The following UNC5D variants were observed in gnomAD, a reference collection of about 807,000 sequenced individuals.
The protein encoded by UNC5D is netrin receptor UNC5D.
A neutral mutation model predicts 105.4 loss-of-function variants in UNC5D; 39 were observed. The observed-to-expected ratio is 0.37, with a 90% CI of 0.29 to 0.48. The LOEUF is 0.48. Among genes scored for constraint, UNC5D ranks in the 20% least tolerant of loss-of-function variants. The probability of loss-of-function intolerance (pLI) is 0.98; values close to 1 mark genes in which losing one functional copy is unlikely to be tolerated. For synonymous variants in UNC5D, 452 were observed against 450.4 expected (o/e 1.00, Z -0.04); for missense variants, 991 against 1,202.4 (o/e 0.82, Z 2.60).
At chr8:35,394,437 C>T (rs568573932) in intron 1 of UNC5D, among the ~76,000 whole-genome samples, 1 of 151,798 alleles carries the variant, frequency 6.6e-6, no homozygotes, top group South Asian at 2.1e-4. Flanking sequence ...AAATAATATT[C>T]AAAAAACCAT....
At chr8:35,608,083 T>C (rs966450275) in intron 4 of UNC5D, among the ~76,000 whole-genome samples, 15 of 152,142 alleles carry the variant, frequency 9.9e-5, no homozygotes, top group Non-Finnish European at 1.6e-4. Context: ...AATTACCAAA[T>C]AAGATCAGGT....
chr8:35,778,586 G>A (rs1802362488), intron 16 of UNC5D, among the ~76,000 whole-genome samples: 1 of 152,178 alleles, frequency 6.6e-6, no homozygotes, highest in Admixed American at 6.5e-5. Flanking sequence ...GGTGATCACA[G>A]AGTGCATAGT....
intron 1 of UNC5D, among the ~76,000 whole-genome samples, chr8:35,272,149 G>A (rs1805451129): frequency 6.6e-6 from 1 of 152,126 alleles, no homozygotes; most frequent in Non-Finnish European, 1.5e-5. Context: ...AATAAAACAT[G>A]AGGTTGAATT....
In UNC5D at chr8:35,248,977, T is replaced by G. The variant is rs866300073; in HGVS notation, c.103+13090T>G. 5.9e-3 allele frequency among the ~76,000 whole-genome samples: 524 copies of G among 88,102 alleles called. 5 individuals carry two copies. Among genetic ancestry groups the G allele is most frequent in the Middle Eastern group, 9.1e-3 (1 of 110 alleles). 57.8% of individuals were successfully genotyped at this position (88,102 alleles called of 152,430 possible). A position where few individuals can be genotyped will look rare whatever the true frequency, so the allele number is the denominator to read the frequency against. ...AACATATATAATATATATTATATAT[T>G]TTTATATAATATATTATATATAAAC... On this transcript the variant is annotated intron_variant, in intron 1 of 16. Coordinates refer to ENST00000404895, the MANE Select transcript of UNC5D (RefSeq NM_080872.4).
At chr8:35,429,907 A>G (rs1585824001) in intron 1 of UNC5D, among the ~76,000 whole-genome samples, 1 of 152,178 alleles carries the variant, frequency 6.6e-6, no homozygotes, top group African/African-American at 2.4e-5. Context: ...CATTTGACAA[A>G]CAACTATATT....
chr8:35,775,054 G>T (rs561835211), intron 16 of UNC5D, among the ~76,000 whole-genome samples: 13 of 152,240 alleles, frequency 8.5e-5, no homozygotes, highest in African/African-American at 3.1e-4. Flanking sequence ...TCACCCAAAT[G>T]GGCGATTAGA....
At chr8:35,762,674 C>A (rs1002900679) in intron 14 of UNC5D, among the ~76,000 whole-genome samples, 27 of 152,154 alleles carry the variant, frequency 1.8e-4, no homozygotes, top group African/African-American at 6.3e-4. Flanking sequence ...AAATCAGTTT[C>A]TTTTATTCCT....
intron 16 of UNC5D, among the ~76,000 whole-genome samples, chr8:35,784,723 G>A (rs1287794862): frequency 6.6e-6 from 1 of 152,062 alleles, no homozygotes; most frequent in African/African-American, 2.4e-5. Flanking sequence ...ACTCCAGCCT[G>A]GGAGACAGAA....
chr8:35,505,771 T>C (rs1054200970), intron 1 of UNC5D, among the ~76,000 whole-genome samples: 23 of 152,160 alleles, frequency 1.5e-4, no homozygotes, highest in African/African-American at 5.1e-4. Context: ...TTCCCCGCTT[T>C]GAGATACACT....
chr8:35,749,774 C>G (rs1490643299), intron 12 of UNC5D, among the ~76,000 whole-genome samples: 2 of 152,108 alleles, frequency 1.3e-5, no homozygotes, highest in Admixed American at 6.6e-5. Flanking sequence ...CTCACAATCT[C>G]TTATACACAG....
At chr8:35,468,812 G>A (rs1809498041) in intron 1 of UNC5D, among the ~76,000 whole-genome samples, 1 of 152,166 alleles carries the variant, frequency 6.6e-6, no homozygotes, top group African/African-American at 2.4e-5. Context: ...AAGAAGGTGT[G>A]ATTTCCACGG....
At chr8:35,317,736 A>T (rs1334047270) in intron 1 of UNC5D, among the ~76,000 whole-genome samples, 5 of 151,996 alleles carry the variant, frequency 3.3e-5, no homozygotes. Context: ...ATTTTACGTG[A>T]CGTAAATTAT....
intron 1 of UNC5D, among the ~76,000 whole-genome samples, chr8:35,374,162 C>T (rs1043804722): frequency 6.6e-6 from 1 of 152,198 alleles, no homozygotes; most frequent in African/African-American, 2.4e-5. Context: ...TGTACCTTCA[C>T]TTTGCTTTTA....
At chr8:35,243,862 T>C (rs973154368) in intron 1 of UNC5D, among the ~76,000 whole-genome samples, 1 of 152,192 alleles carries the variant, frequency 6.6e-6, no homozygotes, top group Non-Finnish European at 1.5e-5. Flanking sequence ...ACTCGAACTT[T>C]ATTAAGGCAT....
intron 4 of UNC5D, among the ~76,000 whole-genome samples, chr8:35,598,719 T>C (rs899500245): frequency 1.3e-5 from 2 of 152,176 alleles, no homozygotes; most frequent in African/African-American, 4.8e-5. Flanking sequence ...GGAATACTAT[T>C]CAGCCTTTAA....
intron 1 of UNC5D, among the ~76,000 whole-genome samples, chr8:35,437,537 C>A (rs186993332): frequency 1.3e-5 from 2 of 151,984 alleles, no homozygotes; most frequent in Non-Finnish European, 2.9e-5. Context: ...TGCTAATATC[C>A]GTCCCAGGAT....
At chr8:35,468,544 C>T (rs1453829971) in intron 1 of UNC5D, among the ~76,000 whole-genome samples, 1 of 152,142 alleles carries the variant, frequency 6.6e-6, no homozygotes, top group Non-Finnish European at 1.5e-5. Context: ...GCCGTGATTT[C>T]CCTAAGTTGG....
At chr8:35,361,012 C>T (rs1465096246) in intron 1 of UNC5D, among the ~76,000 whole-genome samples, 1 of 152,084 alleles carries the variant, frequency 6.6e-6, no homozygotes, top group Non-Finnish European at 1.5e-5. Flanking sequence ...ATCAAAAGCA[C>T]ATTTGGGCTC....
At chr8:35,413,292 T>TGTGTGTGTTGTGTG (rs56157732) in intron 1 of UNC5D, among the ~76,000 whole-genome samples, 63 of 128,040 alleles carry the variant, frequency 4.9e-4, no homozygotes, top group South Asian at 2.2e-3. Flanking sequence ...TGTGTGTGTG[T>TGTGTGTGTTGTGTG]TGTGTGTGTG....
Sources: allele counts gnomAD v4.1 joint callset (sites outside exome capture counted in the v4.1 genomes callset), GRCh38; gene constraint gnomAD v4.1.1; transcripts MANE v1.5; gene names NCBI Gene and HGNC (gene_info 2026-07-23, HGNC 2026-07-21).